BIRC3: variants seen among roughly 807,000 people sequenced by gnomAD.
BIRC3 encodes baculoviral IAP repeat containing 3.
In BIRC3, 26 loss-of-function variants were observed where a neutral mutation model predicts 59.0. That is an observed-to-expected ratio of 0.44 (90% CI 0.32 to 0.61). The LOEUF is 0.61. Among genes scored for constraint, BIRC3 ranks in the 20% least tolerant of loss-of-function variants. The pLI, the probability that BIRC3 is intolerant of heterozygous loss-of-function variation, is 0.04. For missense variants in BIRC3, 641 were observed against 711.5 expected (o/e 0.90, Z 1.13); for synonymous variants, 243 against 249.2 (o/e 0.98, Z 0.24).
At chr11:102,319,294 C>T (rs17879290) in intron 1 of BIRC3, among the ~76,000 whole-genome samples, 29 of 152,264 alleles carry the variant, frequency 1.9e-4, no homozygotes, top group South Asian at 1.9e-3. Flanking sequence ...GATCCACTCG[C>T]CTCAGCCTCC....
Position 102,325,081 on chromosome 11 carries a change from AAGCAGGCTTTTACTACAT to A in BIRC3, c.575_592del (p.Ala192_Ile197del). 6.2e-7 allele frequency: 1 copy of A among 1,614,198 alleles called. No homozygotes were observed. The highest frequency in any genetic ancestry group is 2.2e-5 in the East Asian group (1 of 44,892). ...TTTCTGTCGCCAACAGATCTGGCAA[AAGCAGGCTTTTACTACAT>A]AGGACCTGGAGACAGAGTGGCTTGC... On this transcript the variant is annotated inframe_deletion, in exon 2 of 9. Coordinates refer to ENST00000263464, the MANE Select transcript of BIRC3 (RefSeq NM_001165.5).
chr11:102,324,970 T>C lies in BIRC3; in HGVS notation c.461T>C (p.Phe154Ser), dbSNP rs750320348. The C allele has an allele frequency of 1.9e-6, 3 of 1,614,206 alleles. No individual in the cohort carries two copies. Among genetic ancestry groups the C allele is most frequent in the Non-Finnish European group, 2.5e-6 (3 of 1,180,038 alleles). Reference protein sequence around the residue: ...NPVNSRANQDFSALMRSSYHC... With the variant: ...NPVNSRANQDSSALMRSSYHC... ...GTAAACTCCAGAGCAAATCAAGATT[T>C]TTCTGCCTTGATGAGAAGTTCCTAC... Residue 154 changes from phenylalanine to serine, a missense_variant, in exon 2 of 9, where the codon TTT (phenylalanine) becomes TCT (serine). Phe to Ser is a radical substitution (Grantham distance 155). This residue lies in a region of BIRC3 where 329 missense variants were observed against 365.6 expected (regional missense o/e 0.90). Coordinates refer to ENST00000263464, the MANE Select transcript of BIRC3 (RefSeq NM_001165.5).
intron 6 of BIRC3, among the ~76,000 whole-genome samples, chr11:102,331,737 TG>T (rs1305533267): frequency 6.6e-6 from 1 of 152,160 alleles, no homozygotes; most frequent in African/African-American, 2.4e-5. Context: ...TTCTGCCTCC[TG>T]GGTTCAAGCA....
chr11:102,333,771 G>T lies in BIRC3; in HGVS notation c.1325-2195G>T, dbSNP rs1250574029. The stretch of plus-strand genomic sequence containing the variant: ...AAAAATGAATAAATAAATAATAAAA[G>T]AAATTTTATGGAAGAATGATACTTT... On this transcript the variant is annotated intron_variant, in intron 6 of 8. Transcript: ENST00000263464. Among the ~76,000 whole-genome samples the T allele has an allele frequency of 2.6e-5, 4 of 151,844 alleles. No individual in the cohort carries two copies. In the East Asian group the frequency reaches 7.7e-4, roughly 29 times the overall value.
chr11:102,325,282 G>C lies in BIRC3; in HGVS notation c.773G>C (p.Arg258Pro). Residue 258 changes from arginine to proline, a missense_variant, in exon 2 of 9, where the codon CGC (arginine) becomes CCC (proline). Arg to Pro is a moderately radical substitution (Grantham distance 103). This residue lies in a region of BIRC3 where 329 missense variants were observed against 365.6 expected (regional missense o/e 0.90). Coordinates refer to ENST00000263464, the MANE Select transcript of BIRC3 (RefSeq NM_001165.5). ...CTGAGCATGCAGACACATGCAGCCCGCTTTAAAACATTCTTTAACTGGCCC... is the reference window on the plus strand; with the variant it reads ...CTGAGCATGCAGACACATGCAGCCCCCTTTAAAACATTCTTTAACTGGCCC... The part of the protein sequence containing the change: ...SNLSMQTHAA[R>P]FKTFFNWPSS... 6.2e-7 allele frequency: 1 copy of C among 1,614,034 alleles called. No individual in the cohort carries two copies. Among genetic ancestry groups the C allele is most frequent in the Non-Finnish European group, 8.5e-7 (1 of 1,179,984 alleles).
chr11:102,324,746 A>C lies in BIRC3; in HGVS notation c.237A>C (p.Gly79=), dbSNP rs1038073999. Residue 79 remains glycine (G), a synonymous_variant, in exon 2 of 9, where the codon GGA becomes GGC. Transcript: ENST00000263464. The part of the protein sequence containing the change: ...CGLMLDNWKR[G]DSPTEKHKKL... ...TGATGCTGGATAACTGGAAAAGAGG[A>C]GACAGTCCTACTGAAAAGCATAAAA... 7 of 1,614,210 alleles carry C rather than the reference A, an allele frequency of 4.3e-6. No homozygotes were observed. In the Admixed American group the frequency reaches 5.0e-5, roughly 12 times the overall value.
Position 102,331,176 on chromosome 11 carries a change from T to C in BIRC3, c.1259T>C (p.Leu420Ser). ...YRLVNDLVLD[L>S]LNAEDEIREE... is the part of the protein sequence containing the mutation. ...CTAGTCAATGATCTTGTGTTAGACT[T>C]ACTCAATGCAGAAGATGAAATAAGG... The change falls in exon 6 of 9, where the codon TTA becomes TCA. Residue 420 changes from leucine to serine, a missense_variant. Leu to Ser is a moderately radical substitution (Grantham distance 145). This residue lies in a region of BIRC3 where 268 missense variants were observed against 255.7 expected (regional missense o/e 1.05). Coordinates refer to ENST00000263464, the MANE Select transcript of BIRC3 (RefSeq NM_001165.5). 6.2e-7 allele frequency: 1 copy of C among 1,613,730 alleles called. No individual in the cohort carries two copies. Among genetic ancestry groups the C allele is most frequent in the South Asian group, 1.1e-5 (1 of 91,072 alleles).
chr11:102,319,426 C>A (rs960205702), intron 1 of BIRC3, among the ~76,000 whole-genome samples: 2 of 151,938 alleles, frequency 1.3e-5, no homozygotes, highest in Non-Finnish European at 1.5e-5. Context: ...AAAGGCCAGT[C>A]GAGAGTGACA....
chr11:102,325,533 T>A lies in BIRC3; in HGVS notation c.921T>A (p.Asp307Glu). The A allele has an allele frequency of 6.2e-7, 1 of 1,612,922 alleles. No individual in the cohort carries two copies. The highest frequency in any genetic ancestry group is 1.3e-5 in the African/African-American group (1 of 75,040). The part of the protein sequence containing the change: ...GGLRCWESGD[D>E]PWVQHAKWFP... ...TCAGGTGTTGGGAATCTGGAGATGA[T>A]CCATGGGTTCAACATGCCAAGTGGT... Residue 307 changes from aspartate to glutamate, a missense_variant, in exon 3 of 9, where the codon GAT becomes GAA. Asp to Glu is a conservative substitution (Grantham distance 45, BLOSUM62 2). Coordinates refer to ENST00000263464, the MANE Select transcript of BIRC3 (RefSeq NM_001165.5).
chr11:102,339,119 G>C lies in BIRC3; in HGVS notation c.*2017G>C, dbSNP rs760391250. 1 of 207,292 alleles carries C rather than the reference G, an allele frequency of 4.8e-6. No individual in the cohort carries two copies. Among genetic ancestry groups the C allele is most frequent in the East Asian group, 7.3e-5 (1 of 13,660 alleles). The allele number at this position is 207,292 out of a possible 1,614,324, so 12.8% of individuals were successfully genotyped here. ...ATGTACTAGCCAGTGTCCTGCATGG[G>C]TGCTAGGCTGAATTATTTGTAATTG... is the stretch of plus-strand genomic sequence containing the variant. On this transcript the variant is annotated 3_prime_UTR_variant, in exon 9 of 9. Transcript: ENST00000263464.
Position 102,324,463 on chromosome 11 carries a change from C to A in BIRC3, c.-47C>A. The A allele has an allele frequency of 6.5e-7, 1 of 1,533,194 alleles. No homozygotes were observed. The highest frequency in any genetic ancestry group is 8.7e-7 in the Non-Finnish European group (1 of 1,143,768). 95.0% of individuals were successfully genotyped at this position (1,533,194 alleles called of 1,614,324 possible). On this transcript the variant is annotated 5_prime_UTR_variant, in exon 2 of 9. Transcript: ENST00000263464. ...AAAAGCAAAGCCATGCACAAAACTACCTCCCTAGAGAAAGGCTAGTCCCTT... is the reference window on the plus strand; with the variant it reads ...AAAAGCAAAGCCATGCACAAAACTAACTCCCTAGAGAAAGGCTAGTCCCTT...
intron 7 of BIRC3, chr11:102,336,474 A>G: frequency 3.6e-6 from 2 of 557,926 alleles, no homozygotes; most frequent in Non-Finnish European, 6.2e-6. Context: ...ATGCCTGGTA[A>G]TCCCAGCTAC....
Position 102,324,394 on chromosome 11 carries a change from A to C in BIRC3, c.-116A>C, listed in dbSNP as rs1418981781. The C allele has an allele frequency of 2.5e-6, 3 of 1,214,112 alleles. No homozygotes were observed. Among genetic ancestry groups the C allele is most frequent in the Non-Finnish European group, 3.4e-6 (3 of 893,834 alleles). 75.2% of individuals were successfully genotyped at this position (1,214,112 alleles called of 1,614,324 possible). A position where few individuals can be genotyped will look rare whatever the true frequency, so the allele number is the denominator to read the frequency against. The stretch of plus-strand genomic sequence containing the variant: ...TAAATGCATAGAAATAAAAATAATA[A>C]AAAATTTTTCATTTTGGCTTTTCAG... On this transcript the variant is annotated 5_prime_UTR_variant, in exon 2 of 9. Transcript: ENST00000263464.
At chr11:102,318,269 T>G (rs1338719976) in intron 1 of BIRC3, among the ~76,000 whole-genome samples, 1 of 152,222 alleles carries the variant, frequency 6.6e-6, no homozygotes, top group East Asian at 1.9e-4. Context: ...ATGAGGAAAC[T>G]GAGGCTCTTG....
In BIRC3 at chr11:102,331,188, A is replaced by G; in HGVS notation, c.1271A>G (p.Glu424Gly). ...CTTGTGTTAGACTTACTCAATGCAG[A>G]AGATGAAATAAGGGAAGAGGAGAGA... is the stretch of plus-strand genomic sequence containing the variant. ...NDLVLDLLNAEDEIREEERER... is the reference protein window; with the variant it reads ...NDLVLDLLNAGDEIREEERER... Residue 424 changes from glutamate (E) to glycine (G), a missense_variant, in exon 6 of 9, where the codon GAA becomes GGA. Physicochemically the swap from Glu to Gly is moderately conservative, Grantham distance 98. Around this residue, in one of 4 missense-constraint regions of BIRC3, gnomAD observed 268 missense variants for 255.7 expected, o/e 1.05. Transcript: ENST00000263464. 2 of 1,613,626 alleles carry G rather than the reference A, an allele frequency of 1.2e-6. No homozygotes were observed. Among genetic ancestry groups the G allele is most frequent in the Non-Finnish European group, 1.7e-6 (2 of 1,179,800 alleles).
chr11:102,329,009 A>G, intron 5 of BIRC3, 64 bp downstream of exon 5: 3 of 908,784 alleles, frequency 3.3e-6, no homozygotes, highest in Non-Finnish European at 4.9e-6. Context: ...TAATATTGAA[A>G]GTTGATAATA....
At chr11:102,329,030 T>C (rs1177059398) in intron 5 of BIRC3, 85 bp downstream of exon 5, 1 of 783,848 alleles carries the variant, frequency 1.3e-6, no homozygotes, top group Non-Finnish European at 2.0e-6. Flanking sequence ...GTAATGTACC[T>C]GTATATTGAT....
In BIRC3 at chr11:102,325,095, T is replaced by C. The variant is rs1466182381; in HGVS notation, c.586T>C (p.Tyr196His). The C allele has an allele frequency of 3.7e-6, 6 of 1,614,120 alleles. No homozygotes were observed. Among genetic ancestry groups the C allele is most frequent in the South Asian group, 1.1e-5 (1 of 91,092 alleles). The change falls in exon 2 of 9, where the codon TAC becomes CAC. Residue 196 changes from tyrosine (Y) to histidine (H), a missense_variant. Tyr to His is a moderately conservative substitution (Grantham distance 83, BLOSUM62 2). Transcript: ENST00000263464. ...PTDLAKAGFY[Y>H]IGPGDRVACF... The stretch of plus-strand genomic sequence containing the variant: ...AGATCTGGCAAAAGCAGGCTTTTAC[T>C]ACATAGGACCTGGAGACAGAGTGGC...
chr11:102,321,347 G>GTTTTATTTTA (rs201549635), intron 1 of BIRC3, among the ~76,000 whole-genome samples: 1 of 151,868 alleles, frequency 6.6e-6, no homozygotes, highest in African/African-American at 2.4e-5. Flanking sequence ...AAACCTCTGG[G>GTTTTATTTTA]TTTTATTTTA....
Sources: allele counts gnomAD v4.1 joint callset (sites outside exome capture counted in the v4.1 genomes callset), GRCh38; gene constraint gnomAD v4.1.1; regional missense constraint gnomAD v4.1.1; transcripts MANE v1.5; gene names NCBI Gene and HGNC (gene_info 2026-07-23, HGNC 2026-07-21).